Variants in MRTFA observed in about 807,000 individuals in gnomAD.
The protein encoded by MRTFA is myocardin-related transcription factor A.
MRTFA carries 20 observed loss-of-function variants against 83.5 expected under a neutral mutation model. The ratio of observed to expected loss-of-function variants is 0.24; its 90% CI spans 0.17 to 0.35. The LOEUF (loss-of-function observed/expected upper bound fraction) is 0.35. Among genes scored for constraint, MRTFA ranks in the 10% least tolerant of loss-of-function variants. The pLI is 1.00. For synonymous variants in MRTFA, 659 were observed against 541.2 expected (o/e 1.22, Z -3.02); for missense variants, 1,200 against 1,224.7 (o/e 0.98, Z 0.30).
At chr22:40,421,684 G>C (rs1452938089) in intron 9 of MRTFA, among the ~76,000 whole-genome samples, 2 of 152,222 alleles carry the variant, frequency 1.3e-5, no homozygotes, top group South Asian at 2.1e-4. Context: ...ACTGGGCCAG[G>C]AGAGTCAGAA....
intron 2 of MRTFA, among the ~76,000 whole-genome samples, chr22:40,560,370 C>G (rs1469817629): frequency 6.6e-6 from 1 of 152,196 alleles, no homozygotes; most frequent in Non-Finnish European, 1.5e-5. Context: ...AAGTCATATA[C>G]AAGCACTGAC....
At chr22:40,423,031 C>T (rs1206712299) in intron 9 of MRTFA, among the ~76,000 whole-genome samples, 1 of 152,168 alleles carries the variant, frequency 6.6e-6, no homozygotes. Flanking sequence ...CTTGGTGCAG[C>T]TGAATTTAAC....
At chr22:40,618,458 G>C (rs1267907451) in intron 1 of MRTFA, among the ~76,000 whole-genome samples, 1 of 151,944 alleles carries the variant, frequency 6.6e-6, no homozygotes, top group Non-Finnish European at 1.5e-5. Context: ...AAGTGAGGAA[G>C]TAAACCATGC....
In MRTFA at chr22:40,421,458, C is replaced by T. The variant is rs55976143; in HGVS notation, c.928-358G>A. Among the ~76,000 whole-genome samples, 1,020 of 152,270 alleles carry T rather than the reference C, an allele frequency of 6.7e-3. 6 individuals are homozygous for T. The highest frequency in any genetic ancestry group is 0.011 in the Non-Finnish European group (765 of 68,024). The stretch of plus-strand genomic sequence containing the variant: ...ACCAGGCACCTTCCAAAGACGGGGC[C>T]ACACAAGCCTCTCCAGAATGCTGCT... On this transcript the variant is annotated intron_variant, in intron 9 of 14. Coordinates refer to ENST00000355630, the MANE Select transcript of MRTFA (RefSeq NM_020831.6).
chr22:40,484,817 A>C (rs1217404616), intron 3 of MRTFA, among the ~76,000 whole-genome samples: 1 of 152,000 alleles, frequency 6.6e-6, no homozygotes, highest in East Asian at 1.9e-4. Flanking sequence ...TCACACCTGT[A>C]ATCCCAGCAC....
chr22:40,579,992 C>T (rs1295797053), intron 2 of MRTFA, among the ~76,000 whole-genome samples: 1 of 151,992 alleles, frequency 6.6e-6, no homozygotes, highest in Non-Finnish European at 1.5e-5. Flanking sequence ...GTTAATCAAG[C>T]ACTTTTCGAG....
chr22:40,574,780 G>C (rs2055845484), intron 2 of MRTFA, among the ~76,000 whole-genome samples: 1 of 152,088 alleles, frequency 6.6e-6, no homozygotes, highest in South Asian at 2.1e-4. Context: ...AAGTATATGG[G>C]AGGATGTAAA....
intron 3 of MRTFA, among the ~76,000 whole-genome samples, chr22:40,524,924 C>A (rs1246269928): frequency 2.6e-5 from 4 of 152,216 alleles, no homozygotes; most frequent in African/African-American, 7.2e-5. Context: ...TCTCCTGCCT[C>A]GGCCTCCCAA....
Position 40,479,264 on chromosome 22 carries a change from A to C in MRTFA, c.242-15978T>G, listed in dbSNP as rs373758482. Reference sequence around the variant, plus strand: ...AGACAAGATGGCGCCAGCTAAGGGGAGAATGCATTTGCATAATAAGATTAG... The same window carrying C: ...AGACAAGATGGCGCCAGCTAAGGGGCGAATGCATTTGCATAATAAGATTAG... On this transcript the variant is annotated intron_variant, in intron 3 of 14. Coordinates refer to ENST00000355630, the MANE Select transcript of MRTFA (RefSeq NM_020831.6). Among the ~76,000 whole-genome samples, 10 of 152,258 alleles carry C rather than the reference A, an allele frequency of 6.6e-5. 1 individual carries two copies. Among genetic ancestry groups the C allele is most frequent in the South Asian group, 6.2e-4 (3 of 4,824 alleles).
chr22:40,444,206 A>T (rs983151584), intron 4 of MRTFA, among the ~76,000 whole-genome samples: 30 of 152,356 alleles, frequency 2.0e-4, no homozygotes, highest in Middle Eastern at 3.4e-3. Flanking sequence ...GAGACAAAGG[A>T]AAGATTCGGT....
chr22:40,425,882 C>G (rs892127447), intron 7 of MRTFA, among the ~76,000 whole-genome samples: 2 of 152,154 alleles, frequency 1.3e-5, no homozygotes, highest in African/African-American at 4.8e-5. Flanking sequence ...AGGGTCACTA[C>G]AGACTATTTC....
chr22:40,468,947 A>G (rs1333000418), intron 3 of MRTFA, among the ~76,000 whole-genome samples: 1 of 152,218 alleles, frequency 6.6e-6, no homozygotes, highest in Non-Finnish European at 1.5e-5. Context: ...CCTTCACACT[A>G]AAAACATTAA....
intron 3 of MRTFA, among the ~76,000 whole-genome samples, chr22:40,528,219 T>C (rs903253875): frequency 2.0e-5 from 3 of 152,188 alleles, no homozygotes; most frequent in Admixed American, 1.3e-4. Context: ...ACCCAGGCAC[T>C]GGTTTTTATC....
At chr22:40,517,908 C>T (rs982259891) in intron 3 of MRTFA, among the ~76,000 whole-genome samples, 2 of 152,106 alleles carry the variant, frequency 1.3e-5, no homozygotes, top group Admixed American at 6.6e-5. Flanking sequence ...GATTGACCTA[C>T]TCATCAATGG....
chr22:40,462,786 T>C (rs1418997769), intron 4 of MRTFA, among the ~76,000 whole-genome samples: 11 of 152,168 alleles, frequency 7.2e-5, no homozygotes, highest in Admixed American at 6.5e-4. Context: ...AAAACTGTGG[T>C]TGATTCAAAA....
At chr22:40,572,203 C>T (rs906069135) in intron 2 of MRTFA, among the ~76,000 whole-genome samples, 1 of 152,000 alleles carries the variant, frequency 6.6e-6, no homozygotes, top group Non-Finnish European at 1.5e-5. Context: ...TTGGGGGGAA[C>T]AGGGAGATAG....
chr22:40,577,887 T>C (rs2055890866), intron 2 of MRTFA, among the ~76,000 whole-genome samples: 1 of 151,782 alleles, frequency 6.6e-6, no homozygotes, highest in Non-Finnish European at 1.5e-5. Flanking sequence ...ATTATAGGTG[T>C]GAGCCACCAC....
intron 3 of MRTFA, among the ~76,000 whole-genome samples, chr22:40,488,451 G>C (rs1012287534): frequency 7.2e-5 from 11 of 152,214 alleles, no homozygotes; most frequent in Middle Eastern, 3.4e-3. Context: ...CAGCTACTTG[G>C]GGAGGCTGAC....
At chr22:40,607,225 C>G (rs2056328310) in intron 1 of MRTFA, among the ~76,000 whole-genome samples, 2 of 152,226 alleles carry the variant, frequency 1.3e-5, no homozygotes. Flanking sequence ...GTACACAAGG[C>G]CGGGTGCGGT....
Sources: gnomAD v4.1 joint callset for allele counts (sites outside exome capture counted in the v4.1 genomes callset) on GRCh38, gnomAD v4.1.1 for gene constraint, MANE v1.5 for transcripts, NCBI Gene and HGNC (gene_info 2026-07-23, HGNC 2026-07-21) for gene names.